The following POU2AF1 variants were observed in gnomAD, a reference collection of about 807,000 sequenced individuals.
The protein encoded by POU2AF1 is POU class 2 homeobox associating factor 1, also known as POU domain class 2-associating factor 1.
Under a neutral mutation model 26.3 loss-of-function variants are expected in POU2AF1, and 12 were observed. The ratio of observed to expected loss-of-function variants is 0.46; its 90% CI spans 0.29 to 0.74. POU2AF1 has a LOEUF of 0.74. Among genes scored for constraint, POU2AF1 ranks in the 30% least tolerant of loss-of-function variants. The pLI, the probability that POU2AF1 is intolerant of heterozygous loss-of-function variation, is 0.09. For missense variants in POU2AF1, 297 were observed against 334.5 expected (o/e 0.89, Z 0.87); for synonymous variants, 175 against 148.0 (o/e 1.18, Z -1.32).
rs1860763036 is a variant in POU2AF1, at chr11:111,353,005, G to GGAAGGAAGGAAGGATA, written c.*1255_*1256insTATCCTTCCTTCCTTC. ...AGGAAGGAAGGAAAGAAGGAAGGAA[G>GGAAGGAAGGAAGGATA]GAAGGAAGGAAGGAAGGAAGGAAGG... On this transcript the variant is annotated 3_prime_UTR_variant, in exon 5 of 5. Transcript: ENST00000393067. The GGAAGGAAGGAAGGATA allele has an allele frequency of 7.3e-6, 1 of 136,688 alleles. No individual in the cohort carries two copies. Among genetic ancestry groups the GGAAGGAAGGAAGGATA allele is most frequent in the African/African-American group, 3.4e-5 (1 of 29,850 alleles). 8.5% of individuals were successfully genotyped at this position (136,688 alleles called of 1,614,324 possible). A position where few individuals can be genotyped will look rare whatever the true frequency, so the allele number is the denominator to read the frequency against.
intron 1 of POU2AF1, among the ~76,000 whole-genome samples, chr11:111,359,674 G>A (rs1860967441): frequency 6.6e-6 from 1 of 152,144 alleles, no homozygotes; most frequent in African/African-American, 2.4e-5. Flanking sequence ...TACAGGGTAG[G>A]CATTCAAAAA....
chr11:111,359,423 C>G (rs2135117036), intron 1 of POU2AF1: 1 of 193,532 alleles, frequency 5.2e-6, no homozygotes, highest in East Asian at 1.5e-4. Context: ...TCAAACATTT[C>G]CAGATCTGAT....
chr11:111,374,455 G>A (rs1387747842), intron 1 of POU2AF1, among the ~76,000 whole-genome samples: 2 of 152,208 alleles, frequency 1.3e-5, no homozygotes, highest in Admixed American at 6.5e-5. Context: ...CCAGCACTTT[G>A]GGAGGCCAAG....
rs767549504 is a variant in POU2AF1, at chr11:111,354,238, C to T, written c.*23G>A. 6.2e-7 allele frequency: 1 copy of T among 1,610,154 alleles called. No individual in the cohort carries two copies. Among genetic ancestry groups the T allele is most frequent in the Non-Finnish European group, 8.5e-7 (1 of 1,178,714 alleles). ...ATTTTAAAATCCCAGTTTCAGGGAA[C>T]AGGACTCAGGTGGGAGCCACGCCTA... On this transcript the variant is annotated 3_prime_UTR_variant, in exon 5 of 5. Coordinates refer to ENST00000393067, the MANE Select transcript of POU2AF1 (RefSeq NM_006235.3).
intron 1 of POU2AF1, among the ~76,000 whole-genome samples, chr11:111,360,572 G>A (rs942675278): frequency 2.0e-5 from 3 of 152,110 alleles, no homozygotes; most frequent in Non-Finnish European, 4.4e-5. Flanking sequence ...ATCCTCCAAG[G>A]TCCCTCAGCT....
intron 1 of POU2AF1, among the ~76,000 whole-genome samples, chr11:111,372,112 C>T (rs1328727242): frequency 6.8e-6 from 1 of 147,148 alleles, no homozygotes; most frequent in Non-Finnish European, 1.5e-5. Context: ...CCTGACTTTT[C>T]CAAAGTCTAG....
intron 1 of POU2AF1, among the ~76,000 whole-genome samples, chr11:111,366,632 AC>A: frequency 6.6e-6 from 1 of 152,178 alleles, no homozygotes; most frequent in East Asian, 1.9e-4. Context: ...TCACTCATCA[AC>A]CATAGGCAGG....
At chr11:111,367,288 G>C (rs982440814) in intron 1 of POU2AF1, among the ~76,000 whole-genome samples, 3 of 152,120 alleles carry the variant, frequency 2.0e-5, no homozygotes, top group Admixed American at 6.5e-5. Flanking sequence ...GGGTGGTAAA[G>C]GTCCATGTGT....
intron 4 of POU2AF1, 72 bp downstream of exon 4, chr11:111,357,373 G>T: frequency 6.3e-7 from 1 of 1,584,242 alleles, no homozygotes. Flanking sequence ...GATCAGGATC[G>T]AGAAGTCAGC....
intron 4 of POU2AF1, 82 bp from the exon 5 acceptor site, chr11:111,354,657 T>C (rs1392283007): frequency 8.3e-7 from 1 of 1,202,518 alleles, no homozygotes. Flanking sequence ...GGGGTCTCCA[T>C]CTCCCCCTTC....
intron 1 of POU2AF1, among the ~76,000 whole-genome samples, chr11:111,374,116 A>ATTTTTTTTTTT (rs60260380): frequency 5.5e-5 from 6 of 109,644 alleles, no homozygotes; most frequent in Admixed American, 1.1e-4. Flanking sequence ...GGCAAACTTG[A>ATTTTTTTTTTT]TTTTTTTTTT....
chr11:111,370,647 T>A (rs1047621374), intron 1 of POU2AF1, among the ~76,000 whole-genome samples: 1 of 152,158 alleles, frequency 6.6e-6, no homozygotes, highest in Non-Finnish European at 1.5e-5. Flanking sequence ...TATACTGAAG[T>A]TCTACAGTAG....
At chr11:111,374,116 ATTTTTTTT>A in intron 1 of POU2AF1, among the ~76,000 whole-genome samples, 1 of 109,648 alleles carries the variant, frequency 9.1e-6, no homozygotes, top group African/African-American at 3.3e-5. Context: ...GGCAAACTTG[ATTTTTTTT>A]TTTTTTTTTT....
chr11:111,372,233 G>T (rs2135136524), intron 1 of POU2AF1, among the ~76,000 whole-genome samples: 1 of 152,206 alleles, frequency 6.6e-6, no homozygotes, highest in African/African-American at 2.4e-5. Flanking sequence ...GTAGGGCTGG[G>T]TTATTTGGGG....
chr11:111,360,364 G>A (rs997816773), intron 1 of POU2AF1, among the ~76,000 whole-genome samples: 11 of 152,178 alleles, frequency 7.2e-5, no homozygotes, highest in Admixed American at 3.3e-4. Flanking sequence ...ACTTTGCTCA[G>A]TAAATACCCA....
chr11:111,369,809 G>A (rs1258154365), intron 1 of POU2AF1, among the ~76,000 whole-genome samples: 1 of 152,160 alleles, frequency 6.6e-6, no homozygotes, highest in Non-Finnish European at 1.5e-5. Flanking sequence ...AGAGGAAAGG[G>A]CTGTCTCTTT....
chr11:111,376,734 T>G (rs1861316400), intron 1 of POU2AF1, among the ~76,000 whole-genome samples: 1 of 152,174 alleles, frequency 6.6e-6, no homozygotes, highest in Non-Finnish European at 1.5e-5. Flanking sequence ...TCAGCACTCT[T>G]GGTGTCTGAT....
intron 1 of POU2AF1, among the ~76,000 whole-genome samples, chr11:111,370,837 C>T (rs553348284): frequency 2.6e-5 from 4 of 152,310 alleles, no homozygotes; most frequent in East Asian, 3.9e-4. Flanking sequence ...CTATATGTTC[C>T]ATGACACCTT....
chr11:111,367,097 G>A (rs1046380568), intron 1 of POU2AF1, among the ~76,000 whole-genome samples: 2 of 152,148 alleles, frequency 1.3e-5, no homozygotes, highest in South Asian at 2.1e-4. Flanking sequence ...AGGTTTCCAC[G>A]TGGCAGTGGC....
Sources: gnomAD v4.1 joint callset for allele counts (sites outside exome capture counted in the v4.1 genomes callset) on GRCh38, gnomAD v4.1.1 for gene constraint, MANE v1.5 for transcripts, NCBI Gene and HGNC (gene_info 2026-07-23, HGNC 2026-07-21) for gene names.